The following RIMBP2 variants were observed in gnomAD, a reference collection of about 807,000 sequenced individuals.
RIMBP2 encodes the protein RIMS binding protein 2, also known as RIMS-binding protein 2.
In RIMBP2, 48 loss-of-function variants were observed where a neutral mutation model predicts 118.6. The observed-to-expected ratio is 0.40, with a 90% confidence interval of 0.32 to 0.51. The LOEUF is 0.51. RIMBP2 is among the 20% of genes least tolerant of loss of function. The probability of loss-of-function intolerance (pLI) is 0.41; values close to 1 mark genes in which losing one functional copy is unlikely to be tolerated. For synonymous variants in RIMBP2, 762 were observed against 742.9 expected (o/e 1.03, Z -0.42); for missense variants, 1,551 against 1,768.3 (o/e 0.88, Z 2.20).
Position 130,442,859 on chromosome 12 carries a change from G to A in RIMBP2, c.692-199C>T, listed in dbSNP as rs536397960. 6.6e-6 allele frequency among the ~76,000 whole-genome samples: 1 copy of A among 152,228 alleles called. No individual in the cohort carries two copies. The highest frequency in any genetic ancestry group is 2.4e-5 in the African/African-American group (1 of 41,518). ...AAAGAGCCAGCTCCTCCATCCCCGTGGCCCAGTCTTCTTTTCTCCATGATA... is the reference window on the plus strand; with the variant it reads ...AAAGAGCCAGCTCCTCCATCCCCGTAGCCCAGTCTTCTTTTCTCCATGATA... On this transcript the variant is annotated intron_variant, in intron 10 of 22. Transcript: ENST00000690449. The surrounding 1 kb of genome is among the most constrained non-coding windows in gnomAD (Gnocchi z 6.9).
intron 3 of RIMBP2, among the ~76,000 whole-genome samples, chr12:130,513,244 A>C (rs988141424): frequency 1.3e-5 from 2 of 152,306 alleles, no homozygotes; most frequent in Admixed American, 6.5e-5. Flanking sequence ...AGACCTGCTC[A>C]CCACACACAA....
intron 2 of RIMBP2, among the ~76,000 whole-genome samples, chr12:130,531,317 A>T (rs867784320): frequency 6.6e-6 from 1 of 151,722 alleles, no homozygotes; most frequent in South Asian, 2.1e-4. Context: ...CCACCTCAAA[A>T]CCTCTCCCCT....
chr12:130,439,843 C>CTGTCTA (rs2077958142), intron 11 of RIMBP2, among the ~76,000 whole-genome samples: 2 of 36,954 alleles, frequency 5.4e-5, no homozygotes, highest in Non-Finnish European at 1.0e-4. Flanking sequence ...GTATGTGTAT[C>CTGTCTA]TGTGAGTCTG....
Position 130,407,804 on chromosome 12 carries a change from A to G in RIMBP2, c.3615T>C (p.Arg1205=), listed in dbSNP as rs747848338. 6 of 1,613,750 alleles carry G rather than the reference A, an allele frequency of 3.7e-6. No homozygotes were observed. The South Asian group carries it at 5.5e-5, about 15-fold the overall frequency. Reference sequence around the variant, plus strand: ...CCATTCTCCGCGTCGATACCGAATGACGCCTGCCACTTCTCCTGCTTCTCT... The same window carrying G: ...CCATTCTCCGCGTCGATACCGAATGGCGCCTGCCACTTCTCCTGCTTCTCT... The part of the protein sequence containing the change: ...KIERSRRSGR[R]HSVSTRRMVA... Residue 1205 remains arginine, a synonymous_variant, in exon 20 of 23, where the codon CGT becomes CGC. Coordinates refer to ENST00000690449, the MANE Select transcript of RIMBP2 (RefSeq NM_001393629.1).
In RIMBP2 at chr12:130,460,043, A is replaced by G. The variant is rs1185535600; in HGVS notation, c.154-3343T>C. ...AATCTACGCACAGGAACTGTGGAGTACCCTTCAGTTAGAGATGAACCAGGT... is the reference window on the plus strand; with the variant it reads ...AATCTACGCACAGGAACTGTGGAGTGCCCTTCAGTTAGAGATGAACCAGGT... On this transcript the variant is annotated intron_variant, in intron 6 of 22. Coordinates refer to ENST00000690449, the MANE Select transcript of RIMBP2 (RefSeq NM_001393629.1). Among the ~76,000 whole-genome samples the G allele has an allele frequency of 2.0e-5, 3 of 152,320 alleles. No homozygotes were observed. In the East Asian group the frequency reaches 5.8e-4, roughly 29 times the overall value.
At chr12:130,516,238 T>C (rs2051443544) in intron 3 of RIMBP2, among the ~76,000 whole-genome samples, 1 of 152,172 alleles carries the variant, frequency 6.6e-6, no homozygotes, top group African/African-American at 2.4e-5. Context: ...TCAAGACAAC[T>C]CTAATTTTTA....
chr12:130,496,957 C>T (rs1315437228), intron 4 of RIMBP2, among the ~76,000 whole-genome samples: 3 of 152,164 alleles, frequency 2.0e-5, no homozygotes, highest in Non-Finnish European at 2.9e-5. Flanking sequence ...CCCTGGAGGC[C>T]GGAAGTCTTC....
At chr12:130,701,485 C>G (rs1490074725) in intron 1 of RIMBP2, among the ~76,000 whole-genome samples, 1 of 152,176 alleles carries the variant, frequency 6.6e-6, no homozygotes. Flanking sequence ...GGTCCCATAT[C>G]ACACTCAGGG....
At chr12:130,522,864 TAAGG>T (rs1180506680) in intron 2 of RIMBP2, among the ~76,000 whole-genome samples, 3 of 152,048 alleles carry the variant, frequency 2.0e-5, no homozygotes, top group Non-Finnish European at 4.4e-5. Flanking sequence ...TCTTAGGAGG[TAAGG>T]AAGGTTACAT....
intron 1 of RIMBP2, among the ~76,000 whole-genome samples, chr12:130,665,701 G>A (rs558258428): frequency 1.2e-4 from 18 of 148,134 alleles, no homozygotes; most frequent in African/African-American, 3.7e-4. Context: ...TTAACTGGAC[G>A]CCACCAGTAA....
intron 1 of RIMBP2, among the ~76,000 whole-genome samples, chr12:130,714,711 A>C (rs1364357532): frequency 6.6e-6 from 1 of 152,146 alleles, no homozygotes; most frequent in Non-Finnish European, 1.5e-5. Flanking sequence ...CCACTGCAGA[A>C]GGGGTGCCCG....
chr12:130,438,457 G>A lies in RIMBP2; in HGVS notation c.1564C>T (p.Arg522Trp), dbSNP rs374849427. Residue 522 changes from arginine (R) to tryptophan (W), a missense_variant, in exon 12 of 23, where the codon CGG becomes TGG. This residue lies in a region of RIMBP2 where 1,038 missense variants were observed against 1,125.1 expected (regional missense o/e 0.92). Coordinates refer to ENST00000690449, the MANE Select transcript of RIMBP2 (RefSeq NM_001393629.1). ...AGCACAGGTGGTCTCCAGGAGACCC[G>A]GATGGTGGCGGGGGTCACCCCAGCC... ...VQAGVTPATI[R>W]VSWRPPVLTP... is the part of the protein sequence containing the mutation. The A allele has an allele frequency of 2.7e-5, 44 of 1,609,480 alleles. No homozygotes were observed. Among genetic ancestry groups the A allele is most frequent in the East Asian group, 4.5e-5 (2 of 44,596 alleles).
At chr12:130,636,276 T>C (rs1456050398) in intron 1 of RIMBP2, among the ~76,000 whole-genome samples, 1 of 152,230 alleles carries the variant, frequency 6.6e-6, no homozygotes, top group Non-Finnish European at 1.5e-5. Context: ...TCTCATGTCA[T>C]CTTTCCTCCC....
rs183158426 is a variant in RIMBP2 at position 130,455,628 on chromosome 12, C to T, written c.358+868G>A. Among the ~76,000 whole-genome samples, 30 of 152,328 alleles carry T rather than the reference C, an allele frequency of 2.0e-4. No individual in the cohort carries two copies. The East Asian group carries it at 5.2e-3, about 26-fold the overall frequency. ...CAGGAGAATGTTTTTTAGCAAGACA[C>T]AAGTGGCATCTCCTTATTTTAATGA... On this transcript the variant is annotated intron_variant, in intron 7 of 22. Coordinates refer to ENST00000690449, the MANE Select transcript of RIMBP2 (RefSeq NM_001393629.1).
chr12:130,440,636 C>A (rs1349518546), intron 11 of RIMBP2, among the ~76,000 whole-genome samples: 1 of 152,194 alleles, frequency 6.6e-6, no homozygotes, highest in Non-Finnish European at 1.5e-5. Flanking sequence ...GAAGGCATCG[C>A]GGGAGGCGTC....
intron 5 of RIMBP2, among the ~76,000 whole-genome samples, chr12:130,478,092 G>A (rs969703334): frequency 6.6e-6 from 1 of 152,206 alleles, no homozygotes; most frequent in Non-Finnish European, 1.5e-5. Flanking sequence ...CGTGGCTGAG[G>A]ACTGGAGTGG....
At chr12:130,605,605 A>C (rs2060135709) in intron 2 of RIMBP2, among the ~76,000 whole-genome samples, 1 of 152,210 alleles carries the variant, frequency 6.6e-6, no homozygotes, top group Admixed American at 6.5e-5. Context: ...TAATAAAGTG[A>C]CAATATCTAC....
At chr12:130,591,355 G>T (rs1405218306) in intron 2 of RIMBP2, among the ~76,000 whole-genome samples, 2 of 152,210 alleles carry the variant, frequency 1.3e-5, no homozygotes, top group African/African-American at 4.8e-5. Flanking sequence ...AGTGACAGAG[G>T]ATTCATAAAT....
intron 1 of RIMBP2, chr12:130,660,562 G>C (rs979375741): frequency 6.6e-6 from 1 of 152,090 alleles, no homozygotes; most frequent in Non-Finnish European, 1.5e-5. Context: ...GAAGAGTTGC[G>C]GTCTCTGGGC....
Sources: allele counts gnomAD v4.1 joint callset (sites outside exome capture counted in the v4.1 genomes callset), GRCh38; gene constraint gnomAD v4.1.1; regional missense constraint gnomAD v4.1.1; non-coding constraint Gnocchi (gnomAD v3.1); transcripts MANE v1.5; gene names NCBI Gene and HGNC (gene_info 2026-07-23, HGNC 2026-07-21).